Variants in PEAK1 observed in about 807,000 individuals in gnomAD.
The protein encoded by PEAK1 is inactive tyrosine-protein kinase PEAK1.
PEAK1 carries 54 observed loss-of-function variants against 124.7 expected under a neutral mutation model. The ratio of observed to expected loss-of-function variants is 0.43; its 90% CI spans 0.35 to 0.54. The LOEUF is 0.54. PEAK1 is among the 20% of genes least tolerant of loss of function. The pLI, the probability that PEAK1 is intolerant of heterozygous loss-of-function variation, is 0.01. For synonymous variants in PEAK1, 719 were observed against 760.0 expected (o/e 0.95, Z 0.89); for missense variants, 2,046 against 2,134.5 (o/e 0.96, Z 0.82).
intron 6 of PEAK1, chr15:77,239,698 C>G (rs2060272671): frequency 2.9e-6 from 1 of 342,182 alleles, no homozygotes; most frequent in African/African-American, 2.2e-5. Flanking sequence ...TTCCAGATGT[C>G]ACAGGAGCTG....
rs1006388978 is a variant in PEAK1, at chr15:77,109,611, C to G, written c.*4545G>C. 1.3e-5 allele frequency: 2 copies of G among 152,224 alleles called. No homozygotes were observed. The highest frequency in any genetic ancestry group is 6.5e-5 in the Admixed American group (1 of 15,284). The allele number at this position is 152,224 out of a possible 1,614,324, so 9.4% of individuals were successfully genotyped here. A position where few individuals can be genotyped will look rare whatever the true frequency, so the allele number is the denominator to read the frequency against. Reference sequence around the variant, plus strand: ...TTGGCACTGCTGTAAGCACGGACAGCTGGACTTCAGTGCGCACTTCAGCAA... The same window carrying G: ...TTGGCACTGCTGTAAGCACGGACAGGTGGACTTCAGTGCGCACTTCAGCAA... On this transcript the variant is annotated 3_prime_UTR_variant, in exon 10 of 10. Coordinates refer to ENST00000682557, the MANE Select transcript of PEAK1 (RefSeq NM_001385026.1).
intron 2 of PEAK1, among the ~76,000 whole-genome samples, chr15:77,323,341 T>C (rs576031584): frequency 2.6e-5 from 4 of 152,178 alleles, no homozygotes; most frequent in East Asian, 1.9e-4. Context: ...GGAAGTCAAA[T>C]TGTCCCTGTT....
chr15:77,228,188 C>T (rs2059761148), intron 6 of PEAK1, among the ~76,000 whole-genome samples: 3 of 152,006 alleles, frequency 2.0e-5, no homozygotes, highest in African/African-American at 7.2e-5. Context: ...CATATGTTTA[C>T]ATGTGCCATG....
intron 6 of PEAK1, among the ~76,000 whole-genome samples, chr15:77,233,732 T>C (rs2060000962): frequency 6.6e-6 from 1 of 152,242 alleles, no homozygotes. Context: ...TCCACTTGGA[T>C]ATCACACTTA....
chr15:77,151,189 T>C (rs980835858), intron 8 of PEAK1, among the ~76,000 whole-genome samples: 5 of 151,838 alleles, frequency 3.3e-5, no homozygotes, highest in Non-Finnish European at 7.4e-5. Context: ...TTCCTGACTT[T>C]TTAATGATCA....
chr15:77,227,908 A>G (rs2059746772), intron 6 of PEAK1, among the ~76,000 whole-genome samples: 1 of 152,034 alleles, frequency 6.6e-6, no homozygotes, highest in Non-Finnish European at 1.5e-5. Flanking sequence ...ACTCAAGAGA[A>G]TCACTTGAGC....
chr15:77,359,248 A>G (rs1035102631), intron 2 of PEAK1, among the ~76,000 whole-genome samples: 4 of 152,022 alleles, frequency 2.6e-5, no homozygotes, highest in Non-Finnish European at 4.4e-5. Context: ...GACCAGCCTG[A>G]GCAACATGGC....
chr15:77,131,262 A>G (rs1410752733), intron 9 of PEAK1, among the ~76,000 whole-genome samples: 1 of 152,162 alleles, frequency 6.6e-6, no homozygotes, highest in East Asian at 1.9e-4. Context: ...TTGGGAGGCC[A>G]AGGTGGGCGG....
At chr15:77,287,924 C>T (rs1421583614) in intron 2 of PEAK1, among the ~76,000 whole-genome samples, 2 of 152,162 alleles carry the variant, frequency 1.3e-5, no homozygotes, top group Non-Finnish European at 2.9e-5. Context: ...ACTTTAAACA[C>T]TTTCCAAGTC....
chr15:77,329,695 G>C (rs2065786528), intron 2 of PEAK1, among the ~76,000 whole-genome samples: 1 of 152,084 alleles, frequency 6.6e-6, no homozygotes, highest in African/African-American at 2.4e-5. Context: ...CCATTCTGTT[G>C]AACTATATTG....
intron 2 of PEAK1, among the ~76,000 whole-genome samples, chr15:77,312,137 A>G (rs181238415): frequency 2.9e-3 from 441 of 152,304 alleles, no homozygotes; most frequent in Non-Finnish European, 5.5e-3. Context: ...GAGAAAATAA[A>G]GGGACTAGTA....
At chr15:77,397,014 T>A (rs974285277) in intron 1 of PEAK1, among the ~76,000 whole-genome samples, 1 of 152,138 alleles carries the variant, frequency 6.6e-6, no homozygotes, top group Non-Finnish European at 1.5e-5. Context: ...TACACATTCT[T>A]CTCCTCAGCA....
intron 2 of PEAK1, among the ~76,000 whole-genome samples, chr15:77,321,117 C>T (rs1485441865): frequency 6.6e-6 from 1 of 152,180 alleles, no homozygotes; most frequent in African/African-American, 2.4e-5. Flanking sequence ...CCACAATAAA[C>T]ATATGTGTGC....
intron 7 of PEAK1, among the ~76,000 whole-genome samples, chr15:77,163,564 T>C (rs879358680): frequency 2.6e-5 from 4 of 152,214 alleles, no homozygotes; most frequent in Admixed American, 1.3e-4. Context: ...CAGATTTTTG[T>C]AAAAATTATG....
At chr15:77,147,949 G>A (rs1292678455) in intron 8 of PEAK1, among the ~76,000 whole-genome samples, 1 of 152,136 alleles carries the variant, frequency 6.6e-6, no homozygotes, top group Non-Finnish European at 1.5e-5. Context: ...TTGAAATGTT[G>A]TTAGTGAGAC....
chr15:77,189,560 T>A (rs8032925), intron 6 of PEAK1, among the ~76,000 whole-genome samples: 41,305 of 152,132 alleles, frequency 0.27, 6,646 homozygotes, highest in Middle Eastern at 0.38. Context: ...TCAGTCCAGG[T>A]GCTCACTGCA....
At chr15:77,282,776 T>C (rs1338399127) in intron 5 of PEAK1, among the ~76,000 whole-genome samples, 1 of 152,170 alleles carries the variant, frequency 6.6e-6, no homozygotes, top group African/African-American at 2.4e-5. Flanking sequence ...ACAATCATAT[T>C]ATAATAGGTA....
intron 5 of PEAK1, among the ~76,000 whole-genome samples, chr15:77,268,949 C>T (rs191231494): frequency 7.3e-4 from 111 of 152,132 alleles, no homozygotes; most frequent in Middle Eastern, 3.4e-3. Flanking sequence ...TGGTATTTTT[C>T]AGACAAACAA....
chr15:77,240,397 A>G (rs1188874510), intron 6 of PEAK1, among the ~76,000 whole-genome samples: 2 of 151,956 alleles, frequency 1.3e-5, no homozygotes, highest in East Asian at 3.9e-4. Context: ...AGGTGGGAGG[A>G]TCATTTGAGC....
Sources: gnomAD v4.1 joint callset for allele counts (sites outside exome capture counted in the v4.1 genomes callset) on GRCh38, gnomAD v4.1.1 for gene constraint, MANE v1.5 for transcripts, NCBI Gene and HGNC (gene_info 2026-07-23, HGNC 2026-07-21) for gene names.